The following DDX50 variants were observed in gnomAD, a reference collection of about 807,000 sequenced individuals.
DDX50 encodes DExD-box helicase 50.
Under a neutral mutation model 94.8 loss-of-function variants are expected in DDX50, and 56 were observed. That is an observed-to-expected ratio of 0.59 (90% CI 0.48 to 0.74). The LOEUF (loss-of-function observed/expected upper bound fraction) is 0.74. DDX50 is among the 30% of genes least tolerant of loss of function. The pLI is 0.00. For missense variants in DDX50, 713 were observed against 881.2 expected (o/e 0.81, Z 2.42); for synonymous variants, 264 against 295.4 (o/e 0.89, Z 1.09).
chr10:68,921,681 G>A (rs1589258502), intron 8 of DDX50, among the ~76,000 whole-genome samples: 1 of 152,174 alleles, frequency 6.6e-6, no homozygotes, highest in Middle Eastern at 3.4e-3. Context: ...CCTGAGAAAG[G>A]GCTTATGGAA....
At chr10:68,920,124 A>C in intron 8 of DDX50, 143 bp downstream of exon 8, 2 of 970,090 alleles carry the variant, frequency 2.1e-6, no homozygotes, top group East Asian at 5.0e-5. Flanking sequence ...CCACACCTGT[A>C]ATCCTGTGAC....
chr10:68,943,694 A>G (rs1842602021), intron 14 of DDX50, among the ~76,000 whole-genome samples: 1 of 152,140 alleles, frequency 6.6e-6, no homozygotes, highest in South Asian at 2.1e-4. Flanking sequence ...GGCCTCCCAA[A>G]GTGCTGGGAT....
intron 11 of DDX50, among the ~76,000 whole-genome samples, chr10:68,936,500 AAAAAAAAAAAAAAAAAT>A (rs1169393266): frequency 4.7e-4 from 21 of 44,426 alleles, no homozygotes; most frequent in African/African-American, 1.8e-3. Flanking sequence ...AAAAAAAAAA[AAAAAAAAAAAAAAAAAT>A]ATATATATAT....
chr10:68,904,691 TC>T (rs1234169514), intron 1 of DDX50, among the ~76,000 whole-genome samples: 1 of 152,240 alleles, frequency 6.6e-6, no homozygotes, highest in Admixed American at 6.5e-5. Flanking sequence ...CCGAGAGGTC[TC>T]CTTTTGCCTT....
chr10:68,938,661 G>C (rs1006780841), intron 12 of DDX50, among the ~76,000 whole-genome samples: 6 of 152,068 alleles, frequency 3.9e-5, no homozygotes, highest in African/African-American at 1.4e-4. Context: ...ATGCTGCTGG[G>C]GTATCTGATG....
intron 8 of DDX50, among the ~76,000 whole-genome samples, chr10:68,924,622 A>G (rs1055835338): frequency 6.6e-6 from 1 of 151,944 alleles, no homozygotes; most frequent in Non-Finnish European, 1.5e-5. Flanking sequence ...TATTTTTGTT[A>G]GTGCTTAAAA....
At position 68,914,109 on chromosome 10, in the gene DDX50, T is replaced by C. The variant is rs749705432; in HGVS notation, c.994T>C (p.Trp332Arg). Residue 332 changes from tryptophan to arginine, a missense_variant, in exon 7 of 15, where the codon TGG becomes CGG. Trp to Arg is a moderately radical substitution (Grantham distance 101). Transcript: ENST00000373585. ...ACTTTTTTCTGCAACTTGCCCACAG[T>C]GGGTATACAAAGTTGCAAAAAAATA... ...TLLFSATCPQ[W>R]VYKVAKKYMK... The C allele has an allele frequency of 1.9e-6, 3 of 1,609,816 alleles. No individual in the cohort carries two copies. Among genetic ancestry groups the C allele is most frequent in the Admixed American group, 1.7e-5 (1 of 58,982 alleles).
Position 68,934,298 on chromosome 10 carries a change from G to A in DDX50, c.1339G>A (p.Val447Met). Residue 447 changes from valine (V) to methionine (M), a missense_variant, in exon 9 of 15, where the codon GTG becomes ATG. Val to Met is a conservative substitution (Grantham distance 21). This residue lies in a region of DDX50 where 428 missense variants were observed against 602.3 expected (regional missense o/e 0.71). Transcript: ENST00000373585. This position sits in a 1 kb window ranked among gnomAD's most constrained non-coding sequence, Gnocchi z 4.0. ...TTTTAAAGTTTTGGTGGCAACCAAT[G>A]TGGCTGCCCGTGGTTTGGACATTCC... ...GSFKVLVATN[V>M]AARGLDIPEV... The A allele has an allele frequency of 6.2e-7, 1 of 1,613,782 alleles. No homozygotes were observed. Among genetic ancestry groups the A allele is most frequent in the Non-Finnish European group, 8.5e-7 (1 of 1,179,864 alleles).
At chr10:68,916,889 T>C (rs1183849690) in intron 7 of DDX50, among the ~76,000 whole-genome samples, 1 of 152,158 alleles carries the variant, frequency 6.6e-6, no homozygotes, top group Non-Finnish European at 1.5e-5. Flanking sequence ...TTTTGCCATG[T>C]TGGCCAGGCT....
chr10:68,913,160 A>G lies in DDX50; in HGVS notation c.640-2A>G. ...TTTTTGTTTTTTAAACCTCTTGCTC[A>G]GGTACTTGTTTTGGCTCCAACAAGG... On this transcript the variant is annotated splice_acceptor_variant, in intron 4 of 14. Transcript: ENST00000373585. LOFTEE classifies it high-confidence loss of function. 1.9e-6 allele frequency: 3 copies of G among 1,596,534 alleles called. No individual in the cohort carries two copies. The highest frequency in any genetic ancestry group is 2.6e-6 in the Non-Finnish European group (3 of 1,175,526).
chr10:68,942,382 A>G (rs1842573971), intron 13 of DDX50, among the ~76,000 whole-genome samples: 1 of 152,222 alleles, frequency 6.6e-6, no homozygotes, highest in Non-Finnish European at 1.5e-5. Flanking sequence ...GCAAATAATC[A>G]TCTCTCTCAA....
At chr10:68,907,141 T>C in intron 2 of DDX50, 134 bp downstream of exon 2, 2 of 876,404 alleles carry the variant, frequency 2.3e-6, no homozygotes, top group Admixed American at 3.0e-5. Context: ...CACTAGAGTC[T>C]GTACAGGTGA....
intron 10 of DDX50, among the ~76,000 whole-genome samples, 172 bp from the exon 11 acceptor site, chr10:68,935,833 TC>T (rs1477245441): frequency 6.6e-6 from 1 of 152,116 alleles, no homozygotes; most frequent in Non-Finnish European, 1.5e-5. Context: ...AGACTCTGTG[TC>T]AAAACAAAAA....
intron 12 of DDX50, among the ~76,000 whole-genome samples, chr10:68,940,727 G>C (rs780543416): frequency 6.6e-6 from 1 of 151,982 alleles, no homozygotes; most frequent in African/African-American, 2.4e-5. Flanking sequence ...CAAGGTTTTC[G>C]TTCCAAGCTG....
rs902091211 is a variant in DDX50 at position 68,914,103 on chromosome 10, C to T, written c.988C>T (p.Pro330Ser). 6.2e-7 allele frequency: 1 copy of T among 1,606,930 alleles called. No homozygotes were observed. The highest frequency in any genetic ancestry group is 1.7e-5 in the Admixed American group (1 of 58,374). ...GACTTTACTTTTTTCTGCAACTTGC[C>T]CACAGTGGGTATACAAAGTTGCAAA... ...PQTLLFSATC[P>S]QWVYKVAKKY... The change falls in exon 7 of 15, where the codon CCA (proline) becomes TCA (serine). Residue 330 changes from proline (P) to serine (S), a missense_variant. Transcript: ENST00000373585.
At chr10:68,931,392 A>ATATATATATAT (rs1554836673) in intron 8 of DDX50, among the ~76,000 whole-genome samples, 4 of 85,760 alleles carry the variant, frequency 4.7e-5, no homozygotes, top group Non-Finnish European at 6.4e-5. Context: ...TAAAAAAAAA[A>ATATATATATAT]ATATATATAT....
chr10:68,903,539 G>A (rs1217788384), intron 1 of DDX50, among the ~76,000 whole-genome samples: 4 of 151,880 alleles, frequency 2.6e-5, no homozygotes, highest in Admixed American at 1.3e-4. Flanking sequence ...GGTGGCTCAC[G>A]TCTGTAATGC....
At chr10:68,917,964 G>A (rs112117070) in intron 7 of DDX50, among the ~76,000 whole-genome samples, 1 of 150,922 alleles carries the variant, frequency 6.6e-6, no homozygotes, top group Non-Finnish European at 1.5e-5. Context: ...CACTCTTGTC[G>A]CCCAGGCTGG....
chr10:68,926,282 C>T (rs1426531693), intron 8 of DDX50, among the ~76,000 whole-genome samples: 1 of 149,966 alleles, frequency 6.7e-6, no homozygotes, highest in African/African-American at 2.5e-5. Flanking sequence ...CCTTTCTTTT[C>T]GTTGCTTTAA....
Sources: gnomAD v4.1 joint callset for allele counts (sites outside exome capture counted in the v4.1 genomes callset) on GRCh38, gnomAD v4.1.1 for gene constraint, gnomAD v4.1.1 regional missense constraint, Gnocchi (gnomAD v3.1) non-coding constraint, MANE v1.5 for transcripts, NCBI Gene and HGNC (gene_info 2026-07-23, HGNC 2026-07-21) for gene names.